LCT: variants seen among roughly 807,000 people sequenced by gnomAD.
LCT encodes the protein lactase.
A neutral mutation model predicts 173.0 loss-of-function variants in LCT; 90 were observed. The ratio of observed to expected loss-of-function variants is 0.52; its 90% confidence interval spans 0.44 to 0.62. The LOEUF (loss-of-function observed/expected upper bound fraction) is 0.62. Ranked by LOEUF, LCT falls within the 20% of genes least tolerant of loss-of-function variation. LCT has a pLI of 0.00. For synonymous variants in LCT, 853 were observed against 957.6 expected (o/e 0.89, Z 2.02); for missense variants, 1,864 against 2,431.4 (o/e 0.77, Z 4.91).
At chr2:135,827,393 T>C (rs2077897130) in intron 3 of LCT, among the ~76,000 whole-genome samples, 1 of 152,158 alleles carries the variant, frequency 6.6e-6, no homozygotes, top group Admixed American at 6.5e-5. Context: ...GAGGTTGAGA[T>C]GATGTGAGAA....
intron 13 of LCT, among the ~76,000 whole-genome samples, chr2:135,796,941 ATT>A (rs997582132): frequency 0.021 from 2,524 of 118,678 alleles, 41 homozygotes; most frequent in African/African-American, 0.067. Context: ...TGGGAGCTGG[ATT>A]TTTTTTTTTT....
At position 135,808,558 on chromosome 2, in the gene LCT, C is replaced by A; in HGVS notation, c.3789G>T (p.Glu1263Asp). The A allele has an allele frequency of 6.2e-7, 1 of 1,614,248 alleles. No homozygotes were observed. Among genetic ancestry groups the A allele is most frequent in the Non-Finnish European group, 8.5e-7 (1 of 1,180,038 alleles). ...TRRLLNWIKEEYGDIPIYITE... is the reference protein window; with the variant it reads ...TRRLLNWIKEDYGDIPIYITE... ...TGATGTAAATGGGGATGTCACCATA[C>A]TCTTCCTTGATCCAGTTCAGCAGCC... The change falls in exon 8 of 17, where the codon GAG becomes GAT. Residue 1263 changes from glutamate (E) to aspartate (D), a missense_variant. By Grantham distance (45) the Glu-to-Asp change is conservative. Around this residue, in one of 4 missense-constraint regions of LCT, gnomAD observed 755 missense variants for 926.3 expected, o/e 0.82. Transcript: ENST00000264162.
chr2:135,799,444 T>A (rs1393184995), intron 12 of LCT, among the ~76,000 whole-genome samples: 3 of 151,118 alleles, frequency 2.0e-5, no homozygotes, highest in Admixed American at 6.6e-5. Flanking sequence ...GGGGTTCAGG[T>A]GGAAATAAAG....
intron 9 of LCT, 70 bp downstream of exon 9, chr2:135,807,058 G>T: frequency 1.3e-6 from 2 of 1,558,580 alleles, no homozygotes; most frequent in Non-Finnish European, 8.8e-7. Context: ...GCCCTTCCCA[G>T]CACTGAGCCC....
chr2:135,814,270 G>C (rs915560169), intron 6 of LCT, among the ~76,000 whole-genome samples: 1 of 152,104 alleles, frequency 6.6e-6, no homozygotes, highest in African/African-American at 2.4e-5. Context: ...TTCTAAACTC[G>C]AATGGCAAAC....
At chr2:135,793,381 G>C (rs1213230154) in intron 14 of LCT, among the ~76,000 whole-genome samples, 3 of 152,182 alleles carry the variant, frequency 2.0e-5, no homozygotes, top group Non-Finnish European at 4.4e-5. Flanking sequence ...GGCAATCACT[G>C]CAGTCTGGCT....
In LCT at chr2:135,809,096, T is replaced by A. The variant is rs1289476157; in HGVS notation, c.3251A>T (p.Lys1084Met). ...CCTATATGGTGCCCAGCCTGGGTCC[T>A]TCACCCCTGGGGGAAATTCCCCTGA... ...YGSGEFPPGV[K>M]DPGWAPYRIA... The change falls in exon 8 of 17, where the codon AAG (lysine) becomes ATG (methionine). Residue 1084 changes from lysine to methionine, a missense_variant. Lys to Met is a moderately conservative substitution (Grantham distance 95). Coordinates refer to ENST00000264162, the MANE Select transcript of LCT (RefSeq NM_002299.4). This position sits in a 1 kb window ranked among gnomAD's most constrained non-coding sequence, Gnocchi z 5.5. 1 of 1,614,080 alleles carries A rather than the reference T, an allele frequency of 6.2e-7. No homozygotes were observed. Among genetic ancestry groups the A allele is most frequent in the South Asian group, 1.1e-5 (1 of 91,090 alleles).
chr2:135,818,832 C>T (rs552326308), intron 5 of LCT, among the ~76,000 whole-genome samples: 30 of 152,162 alleles, frequency 2.0e-4, no homozygotes, highest in Admixed American at 1.6e-3. Flanking sequence ...AGTGAAACTC[C>T]GTCTAAAAAA....
intron 12 of LCT, among the ~76,000 whole-genome samples, chr2:135,799,221 GCCCATGGTGTTT>G (rs951311162): frequency 1.3e-5 from 2 of 152,062 alleles, no homozygotes; most frequent in Non-Finnish European, 2.9e-5. Flanking sequence ...GCAAACCAAG[GCCCATGGTGTTT>G]CCCCCGAGAG....
intron 3 of LCT, 117 bp downstream of exon 3, chr2:135,829,476 C>T (rs112722736): frequency 6.6e-5 from 53 of 804,812 alleles, no homozygotes; most frequent in Admixed American, 3.5e-4. Flanking sequence ...ACAACTCAGC[C>T]GGTCTCTGCT....
intron 3 of LCT, among the ~76,000 whole-genome samples, chr2:135,826,909 A>T (rs959310467): frequency 6.6e-6 from 1 of 152,202 alleles, no homozygotes; most frequent in Non-Finnish European, 1.5e-5. Context: ...AAAACAACTG[A>T]AACTGATCAT....
intron 3 of LCT, among the ~76,000 whole-genome samples, chr2:135,828,998 G>A (rs2077910117): frequency 6.6e-6 from 1 of 152,128 alleles, no homozygotes; most frequent in East Asian, 1.9e-4. Context: ...TGAGACCAAC[G>A]TGACCAACAT....
rs1243143693 is a variant in LCT at position 135,808,549 on chromosome 2, G to A, written c.3798C>T (p.Asp1266=). 1.9e-6 allele frequency: 3 copies of A among 1,614,202 alleles called. No individual in the cohort carries two copies. The highest frequency in any genetic ancestry group is 2.5e-6 in the Non-Finnish European group (3 of 1,180,026). Residue 1266 remains aspartate (D), a synonymous_variant, in exon 8 of 17, where the codon GAC becomes GAT. Coordinates refer to ENST00000264162, the MANE Select transcript of LCT (RefSeq NM_002299.4). Reference sequence around the variant, plus strand: ...CGTTTTCGGTGATGTAAATGGGGATGTCACCATACTCTTCCTTGATCCAGT... The same window carrying A: ...CGTTTTCGGTGATGTAAATGGGGATATCACCATACTCTTCCTTGATCCAGT... ...LLNWIKEEYG[D]IPIYITENGV... is the part of the protein sequence containing the mutation.
chr2:135,807,049 C>T, intron 9 of LCT, 79 bp downstream of exon 9: 6 of 1,520,306 alleles, frequency 3.9e-6, no homozygotes, highest in Non-Finnish European at 4.6e-6. Context: ...CATGCATCTG[C>T]CCTTCCCAGC....
chr2:135,791,376 C>G (rs2077532101), intron 14 of LCT, among the ~76,000 whole-genome samples: 1 of 152,240 alleles, frequency 6.6e-6, no homozygotes, highest in Non-Finnish European at 1.5e-5. Context: ...AGGCAGCAGA[C>G]AGGCTGGCAC....
chr2:135,797,339 C>T (rs970234924), intron 13 of LCT, among the ~76,000 whole-genome samples: 4 of 152,132 alleles, frequency 2.6e-5, no homozygotes, highest in Non-Finnish European at 5.9e-5. Flanking sequence ...ACTTGATTCC[C>T]GCCAGCCTTG....
At chr2:135,833,639 A>G (rs367852057) in intron 1 of LCT, among the ~76,000 whole-genome samples, 8 of 149,822 alleles carry the variant, frequency 5.3e-5, no homozygotes, top group African/African-American at 9.9e-5. Context: ...GTAGAGACGG[A>G]GTTGCACCGG....
chr2:135,798,702 G>C (rs191197460), intron 12 of LCT, among the ~76,000 whole-genome samples: 3 of 152,132 alleles, frequency 2.0e-5, no homozygotes, highest in Admixed American at 2.0e-4. Context: ...TATCATGTGC[G>C]GGGATACGTG....
chr2:135,830,209 G>A (rs991485289), intron 2 of LCT, among the ~76,000 whole-genome samples: 1 of 152,172 alleles, frequency 6.6e-6, no homozygotes. Flanking sequence ...GCTAGGGCCT[G>A]TGGAGTACGC....
Sources: allele counts gnomAD v4.1 joint callset (sites outside exome capture counted in the v4.1 genomes callset), GRCh38; gene constraint gnomAD v4.1.1; regional missense constraint gnomAD v4.1.1; non-coding constraint Gnocchi (gnomAD v3.1); transcripts MANE v1.5; gene names NCBI Gene and HGNC (gene_info 2026-07-23, HGNC 2026-07-21).